The following CNBD1 variants were observed in gnomAD, a reference collection of about 807,000 sequenced individuals.
CNBD1 encodes cyclic nucleotide binding domain containing 1, also known as cyclic nucleotide-binding domain-containing protein 1.
CNBD1 carries 71 observed loss-of-function variants against 54.4 expected under a neutral mutation model. The ratio of observed to expected loss-of-function variants is 1.30; its 90% confidence interval spans 1.08 to 1.59. CNBD1 has a LOEUF of 1.59. Among genes scored for constraint, CNBD1 ranks in the 40% most tolerant of loss-of-function variants. CNBD1 has a pLI of 0.00. For missense variants in CNBD1, 659 were observed against 518.0 expected, an observed-to-expected ratio of 1.27 and a Z score of -2.64; for synonymous variants, 182 against 170.7, an observed-to-expected ratio of 1.07 and a Z score of -0.51.
At chr8:87,245,676 A>C (rs1239824020) in intron 6 of CNBD1, among the ~76,000 whole-genome samples, 1 of 152,014 alleles carries the variant, frequency 6.6e-6, no homozygotes, top group Non-Finnish European at 1.5e-5. Flanking sequence ...GGATGTTTGC[A>C]TGCCTTCTGT....
At chr8:86,964,030 C>T (rs1808006427) in intron 4 of CNBD1, among the ~76,000 whole-genome samples, 1 of 152,132 alleles carries the variant, frequency 6.6e-6, no homozygotes, top group Non-Finnish European at 1.5e-5. Context: ...CTTGTGTCTC[C>T]TTCCCTCTCT....
At chr8:87,324,806 G>T (rs1168637176) in intron 8 of CNBD1, among the ~76,000 whole-genome samples, 2 of 125,576 alleles carry the variant, frequency 1.6e-5, no homozygotes, top group African/African-American at 6.2e-5. Flanking sequence ...ATTTCCTTCA[G>T]TTCTGCTCGG....
intron 8 of CNBD1, among the ~76,000 whole-genome samples, chr8:87,307,766 A>ATATATATAT (rs1563546010): frequency 6.7e-6 from 1 of 149,142 alleles, no homozygotes; most frequent in African/African-American, 2.5e-5. Flanking sequence ...ATATATATAT[A>ATATATATAT]ACTTAGCAAG....
intron 4 of CNBD1, among the ~76,000 whole-genome samples, chr8:87,203,313 AT>A (rs1384756554): frequency 6.6e-6 from 1 of 152,212 alleles, no homozygotes; most frequent in African/African-American, 2.4e-5. Flanking sequence ...ACTATTATAC[AT>A]TTTTATTGTA....
chr8:87,234,715 A>G (rs954409512), intron 5 of CNBD1, among the ~76,000 whole-genome samples: 23 of 152,166 alleles, frequency 1.5e-4, no homozygotes, highest in African/African-American at 5.5e-4. Context: ...TTGGGATGGT[A>G]AAGGAGTAGT....
intron 3 of CNBD1, among the ~76,000 whole-genome samples, chr8:86,936,327 C>T (rs578040994): frequency 6.6e-6 from 1 of 152,200 alleles, no homozygotes; most frequent in South Asian, 2.1e-4. Flanking sequence ...AAATTAAAAA[C>T]TCCTAATTAC....
At chr8:87,114,152 T>G (rs578207450) in intron 4 of CNBD1, among the ~76,000 whole-genome samples, 1 of 152,336 alleles carries the variant, frequency 6.6e-6, no homozygotes, top group Admixed American at 6.5e-5. Context: ...AAAAGGTTAT[T>G]GATGAAATGA....
chr8:87,202,365 A>G (rs934571269), intron 4 of CNBD1, among the ~76,000 whole-genome samples: 24 of 152,234 alleles, frequency 1.6e-4, no homozygotes, highest in Admixed American at 1.1e-3. Flanking sequence ...GTAATAAATT[A>G]TAATATGGAT....
At chr8:86,930,960 AG>A (rs1809447103) in intron 3 of CNBD1, among the ~76,000 whole-genome samples, 1 of 152,154 alleles carries the variant, frequency 6.6e-6, no homozygotes, top group Non-Finnish European at 1.5e-5. Context: ...TCCAAGTCCT[AG>A]ACTTCAGGGT....
At chr8:87,016,627 AC>A (rs1258681022) in intron 4 of CNBD1, among the ~76,000 whole-genome samples, 2 of 152,184 alleles carry the variant, frequency 1.3e-5, no homozygotes, top group Non-Finnish European at 2.9e-5. Flanking sequence ...TTTAAAAAAA[AC>A]TTTAGTGGAT....
chr8:86,914,890 C>T (rs757551475), intron 3 of CNBD1, among the ~76,000 whole-genome samples: 3 of 152,180 alleles, frequency 2.0e-5, no homozygotes, highest in Non-Finnish European at 4.4e-5. Flanking sequence ...CTCAAAATGG[C>T]ACATGTCTAG....
chr8:87,126,664 G>GT (rs1008416536), intron 4 of CNBD1, among the ~76,000 whole-genome samples: 3 of 151,562 alleles, frequency 2.0e-5, no homozygotes, highest in East Asian at 1.9e-4. Flanking sequence ...AAGTTTAACA[G>GT]TTTTTTTTAT....
chr8:87,094,326 G>A (rs1431204977), intron 4 of CNBD1, among the ~76,000 whole-genome samples: 1 of 151,886 alleles, frequency 6.6e-6, no homozygotes, highest in Non-Finnish European at 1.5e-5. Flanking sequence ...ATAAATATTA[G>A]AATAAGCTCT....
At chr8:86,914,783 ACT>A (rs199506189) in intron 3 of CNBD1, among the ~76,000 whole-genome samples, 399 of 152,326 alleles carry the variant, frequency 2.6e-3, no homozygotes, top group African/African-American at 8.8e-3. Flanking sequence ...TCTAAAGTGC[ACT>A]CTCAGAAAGA....
chr8:87,158,948 A>G (rs1812800386), intron 4 of CNBD1, among the ~76,000 whole-genome samples: 1 of 152,162 alleles, frequency 6.6e-6, no homozygotes. Flanking sequence ...TCCAGTTATC[A>G]TTTGACAGGA....
chr8:86,887,317 A>C (rs1324594084), intron 1 of CNBD1, among the ~76,000 whole-genome samples: 4 of 152,204 alleles, frequency 2.6e-5, no homozygotes, highest in Admixed American at 2.6e-4. Context: ...AAATAAAAAA[A>C]AATGCCAGAC....
At chr8:87,092,183 G>A (rs1035603650) in intron 4 of CNBD1, among the ~76,000 whole-genome samples, 5 of 152,030 alleles carry the variant, frequency 3.3e-5, no homozygotes, top group African/African-American at 1.2e-4. Flanking sequence ...TTCTATCTGG[G>A]AAGAACAACT....
intron 2 of CNBD1, among the ~76,000 whole-genome samples, chr8:86,899,252 C>T (rs190432808): frequency 1.1e-4 from 16 of 151,684 alleles, no homozygotes; most frequent in Non-Finnish European, 2.1e-4. Context: ...ATCTAATATA[C>T]GATATGAGGA....
intron 4 of CNBD1, among the ~76,000 whole-genome samples, chr8:86,965,229 G>A (rs1331551710): frequency 1.3e-5 from 2 of 152,116 alleles, no homozygotes; most frequent in Non-Finnish European, 2.9e-5. Context: ...TGAGAAAAAA[G>A]AAAGAAACAA....
Sources: allele counts gnomAD v4.1 joint callset (sites outside exome capture counted in the v4.1 genomes callset), GRCh38; gene constraint gnomAD v4.1.1; transcripts MANE v1.5; gene names NCBI Gene and HGNC (gene_info 2026-07-23, HGNC 2026-07-21).